Variants in DMD observed in about 807,000 individuals in gnomAD.
The protein encoded by DMD is mutant dystrophin.
Under a neutral mutation model 330.1 loss-of-function variants are expected in DMD, and 63 were observed. The observed-to-expected ratio is 0.19, with a 90% CI of 0.16 to 0.24. The LOEUF (loss-of-function observed/expected upper bound fraction) is 0.24. DMD is among the 10% of genes least tolerant of loss of function. The probability of loss-of-function intolerance (pLI) is 1.00; values close to 1 mark genes in which losing one functional copy is unlikely to be tolerated. For synonymous variants in DMD, 1,223 were observed against 959.8 expected (o/e 1.27, Z -5.07); for missense variants, 3,344 against 2,684.1 (o/e 1.25, Z -5.43).
At chrX:33,079,038 AT>A (rs112757796) in intron 1 of DMD, among the ~76,000 whole-genome samples, 1 of 109,206 alleles carries the variant, frequency 9.2e-6, no homozygotes, top group Non-Finnish European at 1.9e-5. Flanking sequence ...TATTAAAACC[AT>A]TTTTTTTTGA....
chrX:33,089,033 G>A (rs1243688710), intron 1 of DMD, among the ~76,000 whole-genome samples: 1 of 108,660 alleles, frequency 9.2e-6, no homozygotes, highest in African/African-American at 3.4e-5. Flanking sequence ...GCGCCATGAG[G>A]AGGCTCATGA....
intron 29 of DMD, among the ~76,000 whole-genome samples, chrX:32,434,409 C>G (rs1402327544): frequency 1.8e-5 from 2 of 110,684 alleles, no homozygotes; most frequent in Non-Finnish European, 3.8e-5. Context: ...GACTCTGTCT[C>G]AAAAAAATAA....
At chrX:32,965,362 C>T (rs770720020) in intron 2 of DMD, among the ~76,000 whole-genome samples, 13 of 109,212 alleles carry the variant, frequency 1.2e-4, no homozygotes, top group Non-Finnish European at 2.1e-4. Flanking sequence ...GGTGTGGTGG[C>T]GCATGCCTGT....
intron 2 of DMD, among the ~76,000 whole-genome samples, chrX:32,999,368 C>A (rs748835223): frequency 3.3e-4 from 37 of 111,704 alleles, no homozygotes; most frequent in Non-Finnish European, 3.0e-4. Flanking sequence ...GACAATTCTC[C>A]CAGTGTGGCC....
At chrX:32,006,037 G>C (rs947359526) in intron 44 of DMD, among the ~76,000 whole-genome samples, 1 of 111,245 alleles carries the variant, frequency 9.0e-6, no homozygotes, top group African/African-American at 3.3e-5. Context: ...GTGGGGTGCA[G>C]GTGGTTAGAT....
At chrX:31,166,396 A>G (rs189899605) in intron 74 of DMD, among the ~76,000 whole-genome samples, 59 of 111,815 alleles carry the variant, frequency 5.3e-4, no homozygotes, top group African/African-American at 1.9e-3. Context: ...TTATTTGGAG[A>G]TAAATCACAG....
At chrX:32,737,258 C>G (rs768670477) in intron 7 of DMD, among the ~76,000 whole-genome samples, 1 of 110,903 alleles carries the variant, frequency 9.0e-6, no homozygotes, top group Non-Finnish European at 1.9e-5. Flanking sequence ...AAAATAATAT[C>G]TTTTCTTATT....
intron 47 of DMD, among the ~76,000 whole-genome samples, chrX:31,895,728 A>G (rs2094322590): frequency 8.9e-6 from 1 of 111,921 alleles, no homozygotes; most frequent in South Asian, 3.7e-4. Flanking sequence ...TGCTTTCCAA[A>G]TATCTAATCT....
rs759160627 is a variant in DMD, at chrX:33,300,679, C to T, written c.7+38580G>A. On this transcript the variant is annotated intron_variant, in intron 1 of 17. Coordinates refer to the DMD transcript ENST00000288447. ...CAAGAGGCCTTGGAAGCTCAGTGAGCGTGCCTGCACCTTGACCTTGAACTT... is the reference window on the plus strand; with the variant it reads ...CAAGAGGCCTTGGAAGCTCAGTGAGTGTGCCTGCACCTTGACCTTGAACTT... 5.7e-4 allele frequency among the ~76,000 whole-genome samples: 64 copies of T among 111,536 alleles called. 1 individual carries two copies. The highest frequency in any genetic ancestry group is 2.9e-4 in the East Asian group (1 of 3,490).
intron 63 of DMD, among the ~76,000 whole-genome samples, chrX:31,252,854 A>G (rs1465518128): frequency 9.0e-6 from 1 of 111,691 alleles, no homozygotes; most frequent in African/African-American, 3.3e-5. Flanking sequence ...TCTACTAAAA[A>G]TACAAAAATT....
chrX:32,591,982 C>G (rs1053463434), intron 13 of DMD, among the ~76,000 whole-genome samples: 15 of 112,652 alleles, frequency 1.3e-4, no homozygotes, highest in Middle Eastern at 9.2e-3. Context: ...GGCATGCCAG[C>G]CCCCTGCTGC....
chrX:31,838,773 G>A (rs1484473437), intron 48 of DMD, among the ~76,000 whole-genome samples: 1 of 111,300 alleles, frequency 9.0e-6, no homozygotes, highest in African/African-American at 3.3e-5. Flanking sequence ...AGGGTGGGTG[G>A]GATAGTAGTG....
At chrX:31,879,161 G>A (rs2094014684) in intron 47 of DMD, among the ~76,000 whole-genome samples, 1 of 104,154 alleles carries the variant, frequency 9.6e-6, no homozygotes, top group Non-Finnish European at 2.0e-5. Flanking sequence ...TCTGAGACTG[G>A]GTGATTTATA....
At chrX:33,054,312 C>T (rs144286041) in intron 1 of DMD, among the ~76,000 whole-genome samples, 5,024 of 111,765 alleles carry the variant, frequency 0.045, 253 homozygotes, top group African/African-American at 0.15. Context: ...TATACATACA[C>T]ACCTATATGC....
chrX:31,488,132 C>T, intron 57 of DMD, among the ~76,000 whole-genome samples: 1 of 111,647 alleles, frequency 9.0e-6, no homozygotes, highest in Non-Finnish European at 1.9e-5. Flanking sequence ...CTGTTTGACT[C>T]TTAATTCTAA....
Position 32,849,770 on chromosome X carries a change from C to G in DMD, c.144G>C (p.Arg48Ser). The G allele has an allele frequency of 1.7e-6, 2 of 1,209,645 alleles. No individual in the cohort carries two copies. The highest frequency in any genetic ancestry group is 2.2e-6 in the Non-Finnish European group (2 of 894,119). The change falls in exon 3 of 79, where the codon AGG becomes AGC. Residue 48 changes from arginine (R) to serine (S), a missense_variant. Transcript: ENST00000357033. ...GGCCTTCGAGGAGGTCTAGGAGGCG[C>G]CTCCCATCCTGTAGGTCACTGAAGA... ...ENLFSDLQDG[R>S]RLLDLLEGLT... is the part of the protein sequence containing the mutation.
intron 1 of DMD, among the ~76,000 whole-genome samples, chrX:33,120,238 A>C (rs1394180920): frequency 8.9e-6 from 1 of 111,904 alleles, no homozygotes; most frequent in African/African-American, 3.2e-5. Context: ...AGAGAAAGTG[A>C]GATTAGGAAA....
rs777662322 is a variant in DMD, at chrX:32,793,394, C to A, written c.649+16099G>T. On this transcript the variant is annotated intron_variant, in intron 7 of 78. Coordinates refer to ENST00000357033, the MANE Select transcript of DMD (RefSeq NM_004006.3). The stretch of plus-strand genomic sequence containing the variant: ...AAGGAGCTAGTCAAAGAAAAAAAAA[C>A]AAACCAAACCCAGAATTAGTAGAAG... Among the ~76,000 whole-genome samples, 10 of 108,248 alleles carry A rather than the reference C, an allele frequency of 9.2e-5. No individual in the cohort carries two copies. In the East Asian group the frequency reaches 2.6e-3, roughly 28 times the overall value. 94.0% of individuals were successfully genotyped at this position (108,248 alleles called of 115,157 possible).
chrX:32,195,245 T>A (rs1176803044), intron 44 of DMD, among the ~76,000 whole-genome samples: 2 of 111,421 alleles, frequency 1.8e-5, no homozygotes, highest in African/African-American at 3.3e-5. Flanking sequence ...GGAAAGATTT[T>A]AAATAAAATG....
Sources: allele counts gnomAD v4.1 joint callset (sites outside exome capture counted in the v4.1 genomes callset), GRCh38; gene constraint gnomAD v4.1.1; transcripts MANE v1.5; gene names NCBI Gene and HGNC (gene_info 2026-07-23, HGNC 2026-07-21).